Variants in NXPH1 observed in about 807,000 individuals in gnomAD.
NXPH1 encodes the protein neurexophilin-1.
A neutral mutation model predicts 23.7 loss-of-function variants in NXPH1; 5 were observed. The ratio of observed to expected loss-of-function variants is 0.21; its 90% confidence interval spans 0.11 to 0.44. The LOEUF is 0.44. NXPH1 is among the 20% of genes least tolerant of loss of function. The pLI, the probability that NXPH1 is intolerant of heterozygous loss-of-function variation, is 0.99. For synonymous variants in NXPH1, 144 were observed against 122.2 expected (o/e 1.18, Z -1.18); for missense variants, 324 against 321.6 (o/e 1.01, Z -0.06).
rs1179967996 is a variant in NXPH1 at position 8,654,694 on chromosome 7, T to C, written c.55-96314T>C. Among the ~76,000 whole-genome samples, 4 of 152,128 alleles carry C rather than the reference T, an allele frequency of 2.6e-5. No homozygotes were observed. The East Asian group carries it at 5.8e-4, about 22-fold the overall frequency. On this transcript the variant is annotated intron_variant, in intron 2 of 2. Coordinates refer to ENST00000405863, the MANE Select transcript of NXPH1 (RefSeq NM_152745.3). ...TTGCATCCTCACTCAAGCCACCTCT[T>C]TTCATAGACACATACTTTATGTTTG...
chr7:8,693,807 A>T (rs1425132695), intron 2 of NXPH1, among the ~76,000 whole-genome samples: 1 of 152,148 alleles, frequency 6.6e-6, no homozygotes, highest in African/African-American at 2.4e-5. Flanking sequence ...CTTGCTTTGA[A>T]CTATTTTTCT....
chr7:8,721,652 C>T (rs1241729580), intron 2 of NXPH1, among the ~76,000 whole-genome samples: 1 of 152,154 alleles, frequency 6.6e-6, no homozygotes, highest in East Asian at 1.9e-4. Flanking sequence ...GTGGCGGGCA[C>T]CTGTAGTCCC....
chr7:8,651,988 A>T (rs1036647340), intron 2 of NXPH1, among the ~76,000 whole-genome samples: 1 of 152,074 alleles, frequency 6.6e-6, no homozygotes, highest in African/African-American at 2.4e-5. Context: ...AAGGCCATTG[A>T]TCCTCCCACC....
At chr7:8,479,416 A>T (rs891690770) in intron 2 of NXPH1, among the ~76,000 whole-genome samples, 5 of 152,104 alleles carry the variant, frequency 3.3e-5, no homozygotes, top group Admixed American at 6.6e-5. Context: ...AAGAAAGGAG[A>T]TACAGATGTA....
intron 2 of NXPH1, among the ~76,000 whole-genome samples, chr7:8,544,497 A>G (rs1225290954): frequency 1.3e-5 from 2 of 151,664 alleles, no homozygotes; most frequent in African/African-American, 2.4e-5. Flanking sequence ...ACATGGAAGG[A>G]TGCTTGGCAT....
chr7:8,515,182 C>T (rs534433663), intron 2 of NXPH1, among the ~76,000 whole-genome samples: 18 of 152,012 alleles, frequency 1.2e-4, no homozygotes, highest in African/African-American at 4.1e-4. Context: ...AAAATGTTTC[C>T]CATGGGGGAT....
intron 2 of NXPH1, among the ~76,000 whole-genome samples, chr7:8,697,656 G>C (rs1324121234): frequency 6.6e-6 from 1 of 152,164 alleles, no homozygotes; most frequent in African/African-American, 2.4e-5. Context: ...ATGAGATGGG[G>C]AGGATCATGA....
At chr7:8,488,778 C>T (rs1329384091) in intron 2 of NXPH1, among the ~76,000 whole-genome samples, 1 of 152,092 alleles carries the variant, frequency 6.6e-6, no homozygotes, top group Non-Finnish European at 1.5e-5. Context: ...GTCAAAGCTT[C>T]TGAGGGTTAA....
intron 2 of NXPH1, among the ~76,000 whole-genome samples, chr7:8,671,734 A>C (rs1455149860): frequency 6.6e-6 from 1 of 152,194 alleles, no homozygotes; most frequent in Non-Finnish European, 1.5e-5. Flanking sequence ...TTATTGCATA[A>C]ATCCTAATTC....
intron 2 of NXPH1, among the ~76,000 whole-genome samples, chr7:8,723,706 G>T (rs1323039811): frequency 6.6e-6 from 1 of 152,172 alleles, no homozygotes; most frequent in Non-Finnish European, 1.5e-5. Flanking sequence ...GGAAGGATTT[G>T]TATAGGGTGC....
intron 2 of NXPH1, among the ~76,000 whole-genome samples, chr7:8,553,086 A>G (rs1818304122): frequency 1.3e-5 from 2 of 151,586 alleles, no homozygotes; most frequent in African/African-American, 4.8e-5. Flanking sequence ...ACTAGAGGCA[A>G]AGAGAGAATG....
At chr7:8,505,324 T>G (rs761286750) in intron 2 of NXPH1, among the ~76,000 whole-genome samples, 2 of 152,066 alleles carry the variant, frequency 1.3e-5, no homozygotes, top group Non-Finnish European at 2.9e-5. Context: ...AACAACCTTC[T>G]TGATCTTTGA....
intron 2 of NXPH1, among the ~76,000 whole-genome samples, chr7:8,544,760 C>G (rs1011739940): frequency 1.6e-4 from 25 of 151,572 alleles, no homozygotes; most frequent in Non-Finnish European, 4.4e-5. Context: ...TCATCATTTA[C>G]AAACCAACAT....
chr7:8,665,370 A>G (rs978905969), intron 2 of NXPH1, among the ~76,000 whole-genome samples: 2 of 151,958 alleles, frequency 1.3e-5, no homozygotes, highest in African/African-American at 4.8e-5. Context: ...ATTCTATTCC[A>G]TTAGTCTACT....
At chr7:8,537,690 G>T (rs192341385) in intron 2 of NXPH1, among the ~76,000 whole-genome samples, 1 of 152,012 alleles carries the variant, frequency 6.6e-6, no homozygotes, top group Non-Finnish European at 1.5e-5. Flanking sequence ...TCACATTTGT[G>T]TACTAGCTGT....
chr7:8,585,844 G>A (rs1818968382), intron 2 of NXPH1, among the ~76,000 whole-genome samples: 1 of 152,152 alleles, frequency 6.6e-6, no homozygotes, highest in African/African-American at 2.4e-5. Context: ...TTGTGACAGT[G>A]CCACATTTTT....
At chr7:8,669,822 G>T (rs961393525) in intron 2 of NXPH1, among the ~76,000 whole-genome samples, 2 of 152,122 alleles carry the variant, frequency 1.3e-5, no homozygotes, top group Non-Finnish European at 2.9e-5. Context: ...TCTCTTTAAT[G>T]AATCTTTTCT....
At chr7:8,632,410 A>G (rs776788814) in intron 2 of NXPH1, among the ~76,000 whole-genome samples, 3 of 152,262 alleles carry the variant, frequency 2.0e-5, no homozygotes, top group Non-Finnish European at 2.9e-5. Flanking sequence ...TAGATGTATA[A>G]CTTTATGTCT....
At chr7:8,705,873 A>G (rs1199075340) in intron 2 of NXPH1, among the ~76,000 whole-genome samples, 1 of 152,110 alleles carries the variant, frequency 6.6e-6, no homozygotes, top group Non-Finnish European at 1.5e-5. Flanking sequence ...TGGTTAGCTT[A>G]TTTGGCTTTG....
Sources: allele counts gnomAD v4.1 joint callset (sites outside exome capture counted in the v4.1 genomes callset), GRCh38; gene constraint gnomAD v4.1.1; transcripts MANE v1.5; gene names NCBI Gene and HGNC (gene_info 2026-07-23, HGNC 2026-07-21).